Variants in POT1 observed in about 807,000 individuals in gnomAD.
The protein encoded by POT1 is protection of telomeres 1, also known as protection of telomeres protein 1.
In POT1, 47 loss-of-function variants were observed where a neutral mutation model predicts 78.5. The ratio of observed to expected loss-of-function variants is 0.60; its 90% CI spans 0.47 to 0.76. The LOEUF is 0.76. POT1 is among the 30% of genes least tolerant of loss of function. The pLI is 0.00. For synonymous variants in POT1, 259 were observed against 260.7 expected, an observed-to-expected ratio of 0.99 and a Z score of 0.06; for missense variants, 646 against 749.9, an observed-to-expected ratio of 0.86 and a Z score of 1.62.
At chr7:124,829,427 A>G in intron 15 of POT1, 85 bp from the exon 16 acceptor site, 1 of 794,658 alleles carries the variant, frequency 1.3e-6, no homozygotes, top group Admixed American at 2.7e-5. Flanking sequence ...AAACATGTGT[A>G]GTTTTAAAAT....
intron 16 of POT1, 75 bp downstream of exon 16, chr7:124,829,179 A>G (rs1794700765): frequency 4.2e-6 from 4 of 962,280 alleles, no homozygotes; most frequent in Non-Finnish European, 6.7e-6. Context: ...ACTTTCAGGT[A>G]TACTGAAATA....
At chr7:124,894,821 G>A (rs1563009739) in intron 5 of POT1, among the ~76,000 whole-genome samples, 1 of 151,540 alleles carries the variant, frequency 6.6e-6, no homozygotes, top group African/African-American at 2.4e-5. Context: ...GTAGTTAGTA[G>A]GAGAATGGTA....
intron 3 of POT1, among the ~76,000 whole-genome samples, chr7:124,911,992 G>T (rs1796899061): frequency 6.6e-6 from 1 of 152,082 alleles, no homozygotes; most frequent in South Asian, 2.1e-4. Flanking sequence ...AACATTCAAT[G>T]TTACTCAAGG....
At position 124,879,054 on chromosome 7, in the gene POT1, A is replaced by G. The variant is rs138585350; in HGVS notation, c.125-8013T>C. Among the ~76,000 whole-genome samples, 365 of 152,270 alleles carry G rather than the reference A, an allele frequency of 2.4e-3. 1 individual carries two copies. The highest frequency in any genetic ancestry group is 8.6e-3 in the African/African-American group (356 of 41,566). Reference sequence around the variant, plus strand: ...GGAATTATATTTTCCATAGTATAAAACATTTATATAATCTAAACTCTTCCT... The same window carrying G: ...GGAATTATATTTTCCATAGTATAAAGCATTTATATAATCTAAACTCTTCCT... On this transcript the variant is annotated intron_variant, in intron 6 of 18. Transcript: ENST00000357628.
chr7:124,862,943 G>A (rs546130475), intron 8 of POT1, among the ~76,000 whole-genome samples: 1 of 152,188 alleles, frequency 6.6e-6, no homozygotes, highest in African/African-American at 2.4e-5. Flanking sequence ...GGCAGTGAAA[G>A]ACATAAGAAG....
At chr7:124,870,079 T>A (rs1252897403) in intron 7 of POT1, among the ~76,000 whole-genome samples, 4 of 151,528 alleles carry the variant, frequency 2.6e-5, no homozygotes, top group African/African-American at 9.7e-5. Flanking sequence ...ACAACCAAGA[T>A]GATGAAGAGG....
chr7:124,904,779 A>T (rs1479643468), intron 3 of POT1, among the ~76,000 whole-genome samples: 1 of 152,170 alleles, frequency 6.6e-6, no homozygotes, highest in African/African-American at 2.4e-5. Flanking sequence ...TCCTTAAGCT[A>T]ATAAGCAACT....
At chr7:124,840,008 T>TG (rs2116458245) in intron 14 of POT1, among the ~76,000 whole-genome samples, 1 of 151,884 alleles carries the variant, frequency 6.6e-6, no homozygotes, top group South Asian at 2.1e-4. Flanking sequence ...TTTTTTTTTT[T>TG]TTTAAGGAGC....
chr7:124,827,157 CAATTTTTTAAATAT>C (rs1234045778), intron 17 of POT1, 43 bp downstream of exon 17: 1 of 1,039,244 alleles, frequency 9.6e-7, no homozygotes, highest in East Asian at 3.0e-5. Flanking sequence ...TAAATGTATT[CAATTTTTTAAATAT>C]TATTTTTTAA....
chr7:124,830,242 C>T (rs1400956081), intron 15 of POT1, among the ~76,000 whole-genome samples: 1 of 152,016 alleles, frequency 6.6e-6, no homozygotes, highest in Non-Finnish European at 1.5e-5. Context: ...TACTTGAATA[C>T]CAACATATTT....
At chr7:124,928,277 GT>G (rs1368886890) in intron 2 of POT1, among the ~76,000 whole-genome samples, 4 of 152,146 alleles carry the variant, frequency 2.6e-5, no homozygotes, top group East Asian at 1.9e-4. Context: ...TAGGAGCAAA[GT>G]TTTTTGAACT....
chr7:124,867,518 C>T (rs1363558000), intron 7 of POT1, among the ~76,000 whole-genome samples: 2 of 152,166 alleles, frequency 1.3e-5, no homozygotes, highest in Non-Finnish European at 2.9e-5. Context: ...CCTATAGTGT[C>T]ATCTGGTGGA....
At position 124,851,979 on chromosome 7, in the gene POT1, T is replaced by C. The variant is rs1795320011; in HGVS notation, c.870-28A>G. The C allele has an allele frequency of 6.1e-6, 9 of 1,477,544 alleles. No individual in the cohort carries two copies. The East Asian group carries it at 1.8e-4, about 30-fold the overall frequency. The allele number at this position is 1,477,544 out of a possible 1,614,324, so 91.5% of individuals were successfully genotyped here. A position where few individuals can be genotyped will look rare whatever the true frequency, so the allele number is the denominator to read the frequency against. ...ATAATTGAAAGAATACAATTTCAAA[T>C]TGCATAAAACAAAGTCAATATAGTA... On this transcript the variant is annotated intron_variant, in intron 10 of 18. Transcript: ENST00000357628.
At chr7:124,918,244 G>A (rs755128045) in intron 2 of POT1, among the ~76,000 whole-genome samples, 3 of 152,144 alleles carry the variant, frequency 2.0e-5, no homozygotes, top group Non-Finnish European at 4.4e-5. Context: ...CTAAATTACC[G>A]GGACTAAACT....
chr7:124,858,850 T>C lies in POT1; in HGVS notation c.702+107A>G, dbSNP rs35969541. 1.2e-3 allele frequency: 753 copies of C among 613,602 alleles called. 21 individuals are homozygous for C. In the East Asian group the frequency reaches 0.019, roughly 16 times the overall value. 38.0% of individuals were successfully genotyped at this position (613,602 alleles called of 1,614,324 possible). ...AAATCAAAGAAATAAATATAATTTC[T>C]AGACTGTATCACCTATACATGTAAC... On this transcript the variant is annotated intron_variant, in intron 9 of 18. Transcript: ENST00000357628.
intron 4 of POT1, among the ~76,000 whole-genome samples, chr7:124,897,838 T>C (rs1234728010): frequency 6.6e-6 from 1 of 151,722 alleles, no homozygotes; most frequent in Non-Finnish European, 1.5e-5. Flanking sequence ...AGTGTGTGTG[T>C]GGAAGGTAGG....
chr7:124,857,356 C>T (rs1029731751), intron 9 of POT1, among the ~76,000 whole-genome samples: 6 of 152,230 alleles, frequency 3.9e-5, no homozygotes, highest in South Asian at 2.1e-4. Context: ...AAATTCTACG[C>T]AGAAGAGGGC....
At chr7:124,916,848 G>A (rs1797026827) in intron 2 of POT1, among the ~76,000 whole-genome samples, 1 of 152,114 alleles carries the variant, frequency 6.6e-6, no homozygotes, top group East Asian at 1.9e-4. Flanking sequence ...GACCTGACAA[G>A]GTTCAGGACA....
At chr7:124,905,192 A>G (rs1323648780) in intron 3 of POT1, among the ~76,000 whole-genome samples, 1 of 152,190 alleles carries the variant, frequency 6.6e-6, no homozygotes, top group Non-Finnish European at 1.5e-5. Flanking sequence ...AAGCAAAAAG[A>G]ACAAAGCTGG....
Sources: allele counts gnomAD v4.1 joint callset (sites outside exome capture counted in the v4.1 genomes callset), GRCh38; gene constraint gnomAD v4.1.1; transcripts MANE v1.5; gene names NCBI Gene and HGNC (gene_info 2026-07-23, HGNC 2026-07-21).